Variants in SSH2 observed in about 807,000 individuals in gnomAD.
SSH2 encodes the protein slingshot protein phosphatase 2.
Under a neutral mutation model 135.2 loss-of-function variants are expected in SSH2, and 37 were observed. The observed-to-expected ratio is 0.27, with a 90% CI of 0.21 to 0.36. The LOEUF is 0.36. Among genes scored for constraint, SSH2 ranks in the 10% least tolerant of loss-of-function variants. The pLI is 1.00. For missense variants in SSH2, 1,408 were observed against 1,765.3 expected, an observed-to-expected ratio of 0.80 and a Z score of 3.63; for synonymous variants, 628 against 646.2, an observed-to-expected ratio of 0.97 and a Z score of 0.43.
At chr17:29,805,437 G>A (rs930037662) in intron 2 of SSH2, among the ~76,000 whole-genome samples, 2 of 152,070 alleles carry the variant, frequency 1.3e-5, no homozygotes, top group African/African-American at 4.8e-5. Context: ...TTACAGGCGT[G>A]AGCCACCATG....
At chr17:29,885,351 A>T (rs1413212207) in intron 1 of SSH2, among the ~76,000 whole-genome samples, 10 of 36,910 alleles carry the variant, frequency 2.7e-4, no homozygotes, top group Non-Finnish European at 2.9e-4. Flanking sequence ...TGTATCATAA[A>T]AAAAAAAAAA....
At chr17:29,640,285 C>A (rs1288566057) in intron 14 of SSH2, among the ~76,000 whole-genome samples, 2 of 152,118 alleles carry the variant, frequency 1.3e-5, no homozygotes, top group Non-Finnish European at 2.9e-5. Flanking sequence ...ACCGTGTTAG[C>A]CAGGATGGTC....
chr17:29,808,800 G>T (rs559908166), intron 2 of SSH2, among the ~76,000 whole-genome samples: 1 of 152,242 alleles, frequency 6.6e-6, no homozygotes, highest in South Asian at 2.1e-4. Context: ...GTGGAGTGGG[G>T]GTTGGTAGGA....
chr17:29,718,551 G>A (rs1229049483), intron 3 of SSH2, among the ~76,000 whole-genome samples: 1 of 152,002 alleles, frequency 6.6e-6, no homozygotes, highest in African/African-American at 2.4e-5. Flanking sequence ...GGCTAACACG[G>A]TGAAACCTTG....
At chr17:29,900,941 ATGC>A (rs2066539372) in intron 1 of SSH2, among the ~76,000 whole-genome samples, 2 of 152,204 alleles carry the variant, frequency 1.3e-5, no homozygotes, top group African/African-American at 4.8e-5. Context: ...ATGGAATACT[ATGC>A]AGCCATAAAA....
intron 2 of SSH2, among the ~76,000 whole-genome samples, chr17:29,818,635 C>T (rs1313400192): frequency 6.6e-6 from 1 of 152,120 alleles, no homozygotes; most frequent in Admixed American, 6.6e-5. Flanking sequence ...TGGCAAACAA[C>T]AAAGAGCAAG....
chr17:29,731,222 A>G (rs905056262), intron 3 of SSH2, among the ~76,000 whole-genome samples: 46 of 152,188 alleles, frequency 3.0e-4, no homozygotes, highest in African/African-American at 1.0e-3. Flanking sequence ...CTCTGTCACT[A>G]ATGAATTATA....
At chr17:29,872,545 A>G (rs1000722297) in intron 1 of SSH2, among the ~76,000 whole-genome samples, 1 of 152,102 alleles carries the variant, frequency 6.6e-6, no homozygotes, top group African/African-American at 2.4e-5. Context: ...GCTTCAGGCC[A>G]GGAGTTTTAG....
At position 29,636,203 on chromosome 17, in the gene SSH2, C is replaced by T. The variant is rs141050449; in HGVS notation, c.2027G>A (p.Arg676His). ...QTEISDFSTD[R>H]IDFFSALEKF... ...CTCTAGGGCACTAAAAAAGTCAATG[C>T]GATCTGTACTGAAATCTGAGATTTC... The change falls in exon 15 of 16, where the codon CGC becomes CAC. Residue 676 changes from arginine (R) to histidine (H), a missense_variant. Arg to His is a conservative substitution (Grantham distance 29). Transcript: ENST00000540801. The T allele has an allele frequency of 2.4e-5, 39 of 1,613,900 alleles. No individual in the cohort carries two copies. The highest frequency in any genetic ancestry group is 2.9e-5 in the Non-Finnish European group (34 of 1,180,030).
intron 3 of SSH2, among the ~76,000 whole-genome samples, chr17:29,783,667 T>C (rs2041892116): frequency 6.6e-6 from 1 of 152,152 alleles, no homozygotes; most frequent in South Asian, 2.1e-4. Flanking sequence ...ATCAATACTT[T>C]GTAGCCTTCA....
chr17:29,668,394 G>A (rs2037360874), intron 9 of SSH2, among the ~76,000 whole-genome samples: 1 of 152,126 alleles, frequency 6.6e-6, no homozygotes, highest in Admixed American at 6.6e-5. Context: ...CCTAGACATA[G>A]CTAATGGTAG....
chr17:29,877,578 G>A (rs948147485), intron 1 of SSH2, among the ~76,000 whole-genome samples: 1 of 152,120 alleles, frequency 6.6e-6, no homozygotes, highest in Non-Finnish European at 1.5e-5. Context: ...GCAACAACAT[G>A]AATGAAACTG....
intron 3 of SSH2, chr17:29,716,253 C>T (rs2039618060): frequency 2.9e-6 from 1 of 340,512 alleles, no homozygotes; most frequent in Non-Finnish European, 5.5e-6. Context: ...ATCCTGTGTT[C>T]TAAGTTCTTA....
chr17:29,792,577 C>T (rs1257852774), intron 3 of SSH2, among the ~76,000 whole-genome samples: 1 of 152,030 alleles, frequency 6.6e-6, no homozygotes, highest in Non-Finnish European at 1.5e-5. Flanking sequence ...ATCTCAGTTA[C>T]TGATGAAAAG....
Position 29,672,000 on chromosome 17 carries a change from A to G in SSH2, c.744T>C (p.Asn248=), listed in dbSNP as rs112212550. ...GTACATCTTGCATTGCATTCCATTC[A>G]TTGACTGAGGATTGATCTGAGTTGA... ...SHINSDQSSV[N]EWNAMQDVQS... is the part of the protein sequence containing the mutation. Residue 248 remains asparagine (N), a synonymous_variant, in exon 9 of 16, where the codon AAT becomes AAC. Transcript: ENST00000540801. 4.2e-3 allele frequency: 6,762 copies of G among 1,614,142 alleles called. 223 individuals are homozygous for G. The African/African-American group carries it at 0.081, about 19-fold the overall frequency.
Position 29,784,065 on chromosome 17 carries a change from CAAAAAAAAA to C in SSH2, c.188+9820_188+9828del, listed in dbSNP as rs71138857. Among the ~76,000 whole-genome samples, 43 of 8,234 alleles carry C rather than the reference CAAAAAAAAA, an allele frequency of 5.2e-3. 1 individual carries two copies. Among genetic ancestry groups the C allele is most frequent in the South Asian group, 0.048 (11 of 228 alleles). The allele number at this position is 8,234 out of a possible 152,430, so 5.4% of individuals were successfully genotyped here. A position where few individuals can be genotyped will look rare whatever the true frequency, so the allele number is the denominator to read the frequency against. On this transcript the variant is annotated intron_variant, in intron 3 of 15. Coordinates refer to ENST00000540801, the MANE Select transcript of SSH2 (RefSeq NM_001282129.2). ...TGGGTGACAGAGCGAGACTCCGTCTCAAAAAAAAAAAAAAAAAAAAAAAAAAAAGAGTAA... is the reference window on the plus strand; with the variant it reads ...TGGGTGACAGAGCGAGACTCCGTCTCAAAAAAAAAAAAAAAAAAAGAGTAA...
chr17:29,793,007 G>C lies in SSH2; in HGVS notation c.188+887C>G, dbSNP rs913848738. ...ATTAAAGCAGCATTCCCTTTAGCCA[G>C]CTTCTTCACAATGAGCATGCTTATT... On this transcript the variant is annotated intron_variant, in intron 3 of 15. Coordinates refer to ENST00000540801, the MANE Select transcript of SSH2 (RefSeq NM_001282129.2). Among the ~76,000 whole-genome samples the C allele has an allele frequency of 7.2e-5, 11 of 152,166 alleles. No individual in the cohort carries two copies. The East Asian group carries it at 1.9e-3, about 27-fold the overall frequency.
At chr17:29,696,640 C>G (rs907952388) in intron 4 of SSH2, among the ~76,000 whole-genome samples, 6 of 147,568 alleles carry the variant, frequency 4.1e-5, no homozygotes, top group Non-Finnish European at 9.0e-5. Flanking sequence ...CACACACACA[C>G]ACACACACCT....
At chr17:29,644,223 G>A (rs1209688164) in intron 14 of SSH2, among the ~76,000 whole-genome samples, 2 of 152,226 alleles carry the variant, frequency 1.3e-5, no homozygotes, top group Non-Finnish European at 2.9e-5. Context: ...CTGACTTCCA[G>A]AGGGTTTGGC....
Sources: gnomAD v4.1 joint callset for allele counts (sites outside exome capture counted in the v4.1 genomes callset) on GRCh38, gnomAD v4.1.1 for gene constraint, MANE v1.5 for transcripts, NCBI Gene and HGNC (gene_info 2026-07-23, HGNC 2026-07-21) for gene names.